Variants in BICD1 observed in about 807,000 individuals in gnomAD.
BICD1 encodes protein bicaudal D homolog 1.
In BICD1, 35 loss-of-function variants were observed where a neutral mutation model predicts 92.5. The ratio of observed to expected loss-of-function variants is 0.38; its 90% CI spans 0.29 to 0.50. The LOEUF (loss-of-function observed/expected upper bound fraction) is 0.50, where lower values mean the gene tolerates loss of function less well. Ranked by LOEUF, BICD1 falls within the 20% of genes least tolerant of loss-of-function variation. BICD1 has a pLI of 0.93. For synonymous variants in BICD1, 429 were observed against 465.1 expected (o/e 0.92, Z 1.00); for missense variants, 950 against 1,189.8 (o/e 0.80, Z 2.97).
At chr12:32,166,037 A>G (rs556348182) in intron 1 of BICD1, among the ~76,000 whole-genome samples, 2 of 152,088 alleles carry the variant, frequency 1.3e-5, no homozygotes, top group East Asian at 1.9e-4. Flanking sequence ...ATTTTATTAA[A>G]CTGCCATACT....
chr12:32,197,136 G>A (rs1036510844), intron 1 of BICD1, among the ~76,000 whole-genome samples: 7 of 151,898 alleles, frequency 4.6e-5, no homozygotes, highest in African/African-American at 1.7e-4. Context: ...AGCCTCCGGA[G>A]TAGCTGGGAT....
intron 2 of BICD1, among the ~76,000 whole-genome samples, chr12:32,272,346 T>C (rs957761599): frequency 3.9e-5 from 6 of 152,214 alleles, no homozygotes; most frequent in African/African-American, 1.4e-4. Context: ...CCAGAGCTTA[T>C]AAACCTTCCA....
At chr12:32,146,857 T>C (rs1020951264) in intron 1 of BICD1, among the ~76,000 whole-genome samples, 3 of 124,602 alleles carry the variant, frequency 2.4e-5, no homozygotes, top group African/African-American at 9.0e-5. Context: ...CTTCTCCTCC[T>C]CCTTCTCCTT....
At chr12:32,310,974 A>G (rs915108340) in intron 4 of BICD1, among the ~76,000 whole-genome samples, 15 of 152,114 alleles carry the variant, frequency 9.9e-5, no homozygotes, top group African/African-American at 2.9e-4. Flanking sequence ...ATGTTTTCCC[A>G]TCCATAGGTA....
chr12:32,268,766 A>G (rs1436138031), intron 2 of BICD1, among the ~76,000 whole-genome samples: 1 of 152,238 alleles, frequency 6.6e-6, no homozygotes, highest in Non-Finnish European at 1.5e-5. Context: ...ACTGCACTCC[A>G]GCCTGGGTGA....
chr12:32,334,857 CT>C (rs1305243024), intron 6 of BICD1, among the ~76,000 whole-genome samples, 190 bp downstream of exon 6: 6 of 152,120 alleles, frequency 3.9e-5, no homozygotes, highest in African/African-American at 1.4e-4. Context: ...CCAGAGCCCC[CT>C]ACTGAACACT....
chr12:32,128,625 G>A lies in BICD1; in HGVS notation c.213+21081G>A, dbSNP rs938232752. On this transcript the variant is annotated intron_variant, in intron 1 of 9. Coordinates refer to ENST00000652176, the MANE Select transcript of BICD1 (RefSeq NM_001714.4). ...TTCCTTTTCTTAAAAAAAAACCAGC[G>A]TAATTTGTGCTTAGTTTTAAACCAA... Among the ~76,000 whole-genome samples the A allele has an allele frequency of 1.1e-4, 16 of 150,234 alleles. No individual in the cohort carries two copies. The East Asian group carries it at 1.8e-3, about 16-fold the overall frequency.
chr12:32,377,784 C>T lies in BICD1; in HGVS notation c.*157C>T, dbSNP rs1940034844. 9.3e-6 allele frequency: 6 copies of T among 644,364 alleles called. No individual in the cohort carries two copies. Among genetic ancestry groups the T allele is most frequent in the South Asian group, 7.8e-5 (4 of 51,166 alleles). 39.9% of individuals were successfully genotyped at this position (644,364 alleles called of 1,614,324 possible). ...AGACGAGAGAAAGTTGAGAAGAACACGAAGCACAGACCCTGATGTGATAAA... is the reference window on the plus strand; with the variant it reads ...AGACGAGAGAAAGTTGAGAAGAACATGAAGCACAGACCCTGATGTGATAAA... On this transcript the variant is annotated 3_prime_UTR_variant, in exon 10 of 10. Coordinates refer to ENST00000652176, the MANE Select transcript of BICD1 (RefSeq NM_001714.4).
At chr12:32,306,410 A>ATT (rs557942075) in intron 4 of BICD1, among the ~76,000 whole-genome samples, 1 of 151,402 alleles carries the variant, frequency 6.6e-6, no homozygotes, top group Non-Finnish European at 1.5e-5. Flanking sequence ...TGCCCGGCTA[A>ATT]TTTTTTTGTA....
intron 1 of BICD1, among the ~76,000 whole-genome samples, chr12:32,113,451 A>G (rs534131873): frequency 1.4e-4 from 22 of 152,020 alleles, no homozygotes; most frequent in African/African-American, 5.1e-4. Flanking sequence ...GTGCTGTTAC[A>G]GCTCACCGCA....
chr12:32,110,077 A>G (rs781559174), intron 1 of BICD1, among the ~76,000 whole-genome samples: 7 of 152,252 alleles, frequency 4.6e-5, no homozygotes, highest in Non-Finnish European at 8.8e-5. Context: ...GTCAACAGAA[A>G]ACTACTGTAT....
chr12:32,131,312 C>T (rs140831620), intron 1 of BICD1, among the ~76,000 whole-genome samples: 2 of 152,146 alleles, frequency 1.3e-5, no homozygotes, highest in East Asian at 1.9e-4. Context: ...CAGCTCTTCT[C>T]GGTCTTGAAA....
chr12:32,120,515 T>C (rs1387935889), intron 1 of BICD1, among the ~76,000 whole-genome samples: 2 of 152,232 alleles, frequency 1.3e-5, no homozygotes, highest in African/African-American at 2.4e-5. Flanking sequence ...AATACCACTA[T>C]TGAAGAGCTC....
At chr12:32,338,073 A>G (rs1938210494) in intron 7 of BICD1, 1 of 410,768 alleles carries the variant, frequency 2.4e-6, no homozygotes, top group South Asian at 3.6e-5. Flanking sequence ...GTGTCTGTTA[A>G]TATTTTTGCT....
At chr12:32,133,500 A>G (rs546990053) in intron 1 of BICD1, among the ~76,000 whole-genome samples, 1 of 152,168 alleles carries the variant, frequency 6.6e-6, no homozygotes, top group Non-Finnish European at 1.5e-5. Context: ...AAAAAAAAAA[A>G]AGATGAGTCT....
chr12:32,149,243 G>T (rs2121420633), intron 1 of BICD1, among the ~76,000 whole-genome samples: 1 of 104,438 alleles, frequency 9.6e-6, no homozygotes, highest in Middle Eastern at 4.5e-3. Context: ...GGTAATATTG[G>T]AGTCAGTGCT....
intron 2 of BICD1, among the ~76,000 whole-genome samples, chr12:32,234,288 T>C (rs543162974): frequency 6.6e-6 from 1 of 152,318 alleles, no homozygotes; most frequent in East Asian, 1.9e-4. Flanking sequence ...TTGGTTTCAC[T>C]AAGACAGCTT....
At chr12:32,199,990 T>A (rs1423820297) in intron 1 of BICD1, among the ~76,000 whole-genome samples, 9 of 152,218 alleles carry the variant, frequency 5.9e-5, no homozygotes, top group South Asian at 2.1e-4. Flanking sequence ...CTGGCTTTTT[T>A]AACTTTTAAT....
chr12:32,140,984 A>G (rs1423878005), intron 1 of BICD1, among the ~76,000 whole-genome samples: 1 of 152,190 alleles, frequency 6.6e-6, no homozygotes, highest in Non-Finnish European at 1.5e-5. Context: ...CAGAAAGGAA[A>G]ACACATTGGA....
Sources: gnomAD v4.1 joint callset for allele counts (sites outside exome capture counted in the v4.1 genomes callset) on GRCh38, gnomAD v4.1.1 for gene constraint, MANE v1.5 for transcripts, NCBI Gene and HGNC (gene_info 2026-07-23, HGNC 2026-07-21) for gene names.